Variants in PDE11A observed in about 807,000 individuals in gnomAD.
PDE11A encodes the protein phosphodiesterase 11A, also known as dual 3',5'-cyclic-AMP and -GMP phosphodiesterase 11A.
A neutral mutation model predicts 100.5 loss-of-function variants in PDE11A; 100 were observed. The ratio of observed to expected loss-of-function variants is 1.00; its 90% CI spans 0.85 to 1.18. The LOEUF is 1.18. PDE11A is among the 50% of genes most tolerant of loss of function. The pLI is 0.00. For synonymous variants in PDE11A, 381 were observed against 420.8 expected (o/e 0.91, Z 1.16); for missense variants, 1,141 against 1,152.6 (o/e 0.99, Z 0.15).
chr2:177,938,701 G>A (rs1013620832), intron 2 of PDE11A, among the ~76,000 whole-genome samples: 16 of 151,870 alleles, frequency 1.1e-4, no homozygotes, highest in African/African-American at 3.9e-4. Context: ...CTATTAAAAA[G>A]AAAGAAGAGG....
chr2:178,069,986 C>T (rs2087103905), intron 1 of PDE11A, among the ~76,000 whole-genome samples: 1 of 151,364 alleles, frequency 6.6e-6, no homozygotes, highest in South Asian at 2.1e-4. Flanking sequence ...CCCAAGCATA[C>T]AAAAAGGATG....
chr2:177,937,319 C>CT (rs33967413), intron 2 of PDE11A, among the ~76,000 whole-genome samples: 62,309 of 125,668 alleles, frequency 0.5, 16,476 homozygotes, highest in East Asian at 0.67. Flanking sequence ...AAATTGAAAG[C>CT]TTTTTTTTTT....
chr2:178,047,298 C>G (rs1215424015), intron 1 of PDE11A, among the ~76,000 whole-genome samples: 1 of 151,944 alleles, frequency 6.6e-6, no homozygotes, highest in African/African-American at 2.4e-5. Flanking sequence ...CCCGTCTTTA[C>G]TAAAAATTCA....
intron 1 of PDE11A, among the ~76,000 whole-genome samples, chr2:178,107,706 A>T (rs1200309554): frequency 6.7e-6 from 1 of 150,144 alleles, no homozygotes; most frequent in Non-Finnish European, 1.5e-5. Flanking sequence ...TAGGTTTAAC[A>T]ATTCCTTTTT....
chr2:178,008,493 AATTT>A, intron 2 of PDE11A, among the ~76,000 whole-genome samples: 1 of 152,230 alleles, frequency 6.6e-6, no homozygotes, highest in Non-Finnish European at 1.5e-5. Flanking sequence ...TGGGGCCATC[AATTT>A]GTTGCCCCTT....
intron 9 of PDE11A, among the ~76,000 whole-genome samples, chr2:177,771,564 T>A (rs1338210606): frequency 6.6e-6 from 1 of 152,214 alleles, no homozygotes; most frequent in Non-Finnish European, 1.5e-5. Context: ...AGGCATCTCC[T>A]GCTTAACGTA....
rs781128252 is a variant in PDE11A at position 178,072,168 on chromosome 2, G to C, written c.270C>G (p.Gly90=). The change falls in exon 1 of 20, where the codon GGC becomes GGG. Residue 90 remains glycine, a synonymous_variant. Coordinates refer to ENST00000286063, the MANE Select transcript of PDE11A (RefSeq NM_016953.4). ...TCAAGGGAACCCCACCACAGTCCCC[G>C]CCACCGGGAAGGGGCTGGCTGTGGG... ...GSAHSQPLPG[G]GDCGGVPLSP... 4 of 1,613,736 alleles carry C rather than the reference G, an allele frequency of 2.5e-6. No homozygotes were observed. Among genetic ancestry groups the C allele is most frequent in the South Asian group, 1.1e-5 (1 of 91,060 alleles).
intron 2 of PDE11A, among the ~76,000 whole-genome samples, chr2:178,010,532 C>T (rs1475870395): frequency 6.6e-6 from 1 of 152,146 alleles, no homozygotes; most frequent in Non-Finnish European, 1.5e-5. Context: ...TTTTCTTGCC[C>T]TTTGACTCAG....
chr2:177,937,161 G>C (rs2085285233), intron 2 of PDE11A, among the ~76,000 whole-genome samples: 1 of 151,928 alleles, frequency 6.6e-6, no homozygotes, highest in Non-Finnish European at 1.5e-5. Flanking sequence ...GGAGTGACCT[G>C]GCTTCTGCCT....
intron 2 of PDE11A, among the ~76,000 whole-genome samples, chr2:177,946,784 TG>T (rs1486276799): frequency 1.6e-5 from 1 of 60,830 alleles, no homozygotes; most frequent in African/African-American, 6.9e-5. Context: ...GGGAGGGAGG[TG>T]GGGGGGTCAG....
intron 5 of PDE11A, among the ~76,000 whole-genome samples, chr2:177,861,620 T>G (rs1459517058): frequency 6.6e-6 from 1 of 151,810 alleles, no homozygotes; most frequent in African/African-American, 2.4e-5. Context: ...GTCAAAATGA[T>G]CTTCAAGATG....
intron 1 of PDE11A, among the ~76,000 whole-genome samples, chr2:178,106,999 T>C (rs2087627169): frequency 6.6e-6 from 1 of 150,470 alleles, no homozygotes; most frequent in South Asian, 2.1e-4. Context: ...ATCATATTGA[T>C]TTTTATACTA....
Position 177,625,283 on chromosome 2 carries a change from T to G in PDE11A, c.*4124A>C, listed in dbSNP as rs1478790289. ...AAAGAAAATTATCTGGAAAATTTCT[T>G]TAAAGCTAAACACGTCTTGGTCCTT... On this transcript the variant is annotated 3_prime_UTR_variant, in exon 20 of 20. Coordinates refer to ENST00000286063, the MANE Select transcript of PDE11A (RefSeq NM_016953.4). 1 of 152,656 alleles carries G rather than the reference T, an allele frequency of 6.6e-6. No homozygotes were observed. Among genetic ancestry groups the G allele is most frequent in the Admixed American group, 6.5e-5 (1 of 15,280 alleles). 9.5% of individuals were successfully genotyped at this position (152,656 alleles called of 1,614,324 possible).
intron 2 of PDE11A, among the ~76,000 whole-genome samples, chr2:177,991,197 C>T (rs896570068): frequency 6.7e-6 from 1 of 150,200 alleles, no homozygotes; most frequent in Non-Finnish European, 1.5e-5. Context: ...TGGTGGTACT[C>T]ACCTGTAATC....
rs10186273 is a variant in PDE11A at position 178,054,422 on chromosome 2, C to T, written c.912+17104G>A. ...AGAAGAAAACCTAGGCAATACCATT[C>T]AGGACATAGGCATGGGCAAGGACTT... On this transcript the variant is annotated intron_variant, in intron 1 of 19. Transcript: ENST00000286063. Among the ~76,000 whole-genome samples the T allele has an allele frequency of 9.8e-3, 1,486 of 152,244 alleles. 20 individuals are homozygous for T. Among genetic ancestry groups the T allele is most frequent in the African/African-American group, 0.034 (1,412 of 41,546 alleles).
chr2:178,018,273 T>A, intron 1 of PDE11A: 1 of 411,030 alleles, frequency 2.4e-6, no homozygotes. Context: ...ACTCCCTGGC[T>A]ACAGCCCTCA....
intron 13 of PDE11A, among the ~76,000 whole-genome samples, chr2:177,704,921 ACCTCCAC>A (rs2081257144): frequency 1.3e-5 from 2 of 151,882 alleles, no homozygotes; most frequent in Non-Finnish European, 2.9e-5. Context: ...GCTTACTGCA[ACCTCCAC>A]CTCCTGGGTT....
chr2:178,103,581 G>A (rs2087584741), intron 2 of PDE11A, among the ~76,000 whole-genome samples: 1 of 151,784 alleles, frequency 6.6e-6, no homozygotes, highest in South Asian at 2.1e-4. Flanking sequence ...TCAAATAGTA[G>A]TGACTTGAAA....
intron 2 of PDE11A, among the ~76,000 whole-genome samples, chr2:177,942,715 T>C (rs2085359643): frequency 6.6e-6 from 1 of 152,186 alleles, no homozygotes; most frequent in East Asian, 1.9e-4. Flanking sequence ...ATTTTTTAAT[T>C]GTTGTAAAAA....
Sources: gnomAD v4.1 joint callset for allele counts (sites outside exome capture counted in the v4.1 genomes callset) on GRCh38, gnomAD v4.1.1 for gene constraint, MANE v1.5 for transcripts, NCBI Gene and HGNC (gene_info 2026-07-23, HGNC 2026-07-21) for gene names.